ITGAD: variants seen among roughly 807,000 people sequenced by gnomAD.
ITGAD encodes the protein integrin subunit alpha D.
A neutral mutation model predicts 139.0 loss-of-function variants in ITGAD; 105 were observed. That is an observed-to-expected ratio of 0.76 (90% CI 0.65 to 0.89). ITGAD has a LOEUF of 0.89. Ranked by LOEUF, ITGAD falls within the 40% of genes least tolerant of loss-of-function variation. ITGAD has a pLI of 0.00. For synonymous variants in ITGAD, 569 were observed against 598.3 expected (o/e 0.95, Z 0.71); for missense variants, 1,384 against 1,487.3 (o/e 0.93, Z 1.14).
intron 2 of ITGAD, among the ~76,000 whole-genome samples, chr16:31,396,129 C>G (rs1411050533): frequency 6.6e-6 from 1 of 152,074 alleles, no homozygotes. Context: ...CCCAGAGAAC[C>G]CCTGGTCAGA....
chr16:31,418,588 T>C lies in ITGAD; in HGVS notation c.2780+24T>C, dbSNP rs60016537. 133 of 1,582,790 alleles carry C rather than the reference T, an allele frequency of 8.4e-5. No individual in the cohort carries two copies. In the African/African-American group the frequency reaches 1.7e-3, roughly 20 times the overall value. ...AGGTGCCCAGTCCCTGGCCTTCCCC[T>C]TGGACCTCTGGCCTTCCTCTATGCC... is the stretch of plus-strand genomic sequence containing the variant. On this transcript the variant is annotated intron_variant, in intron 23 of 29. Transcript: ENST00000389202.
At chr16:31,418,224 C>G in intron 21 of ITGAD, 33 bp downstream of exon 21, 1 of 1,603,582 alleles carries the variant, frequency 6.2e-7, no homozygotes, top group East Asian at 2.2e-5. Context: ...CCATCACTGT[C>G]CTCCCTTGTC....
In ITGAD at chr16:31,418,424, C is replaced by G. The variant is rs374107305; in HGVS notation, c.2696+44C>G. The stretch of plus-strand genomic sequence containing the variant: ...ATCCCCCACCCTCCATCGCATGCCC[C>G]GGCTAGAGACCCCTCTCCTGGATTC... On this transcript the variant is annotated intron_variant, in intron 22 of 29. Transcript: ENST00000389202. 169 of 1,606,242 alleles carry G rather than the reference C, an allele frequency of 1.1e-4. 2 individuals carry two copies. In the South Asian group the frequency reaches 1.8e-3, roughly 17 times the overall value.
chr16:31,408,374 C>T (rs751562154), intron 9 of ITGAD, 51 bp from the exon 10 acceptor site: 1 of 1,487,650 alleles, frequency 6.7e-7, no homozygotes, highest in Non-Finnish European at 9.4e-7. Flanking sequence ...TGTTCTGAGT[C>T]CTCATGGGTC....
intron 23 of ITGAD, among the ~76,000 whole-genome samples, chr16:31,419,406 T>C (rs1401493155): frequency 6.6e-6 from 1 of 152,212 alleles, no homozygotes; most frequent in Non-Finnish European, 1.5e-5. Context: ...AGTAACACGC[T>C]GCATGGGTTT....
chr16:31,399,893 T>C (rs916516625), intron 5 of ITGAD, among the ~76,000 whole-genome samples: 1 of 152,090 alleles, frequency 6.6e-6, no homozygotes, highest in Non-Finnish European at 1.5e-5. Context: ...TTTACAGATA[T>C]GAAAACCAAG....
intron 3 of ITGAD, 27 bp from the exon 4 acceptor site, chr16:31,397,569 T>C (rs763816898): frequency 5.5e-5 from 89 of 1,605,430 alleles, no homozygotes; most frequent in Non-Finnish European, 6.9e-5. Context: ...GTGCTGTGAG[T>C]GAGACCCCGC....
At chr16:31,397,081 T>G (rs1374964446) in intron 2 of ITGAD, among the ~76,000 whole-genome samples, 1 of 119,990 alleles carries the variant, frequency 8.3e-6, no homozygotes, top group Non-Finnish European at 2.0e-5. Flanking sequence ...TTTTTTTTTT[T>G]TTTTTTTTTT....
rs574753120 is a variant in ITGAD, at chr16:31,416,204, T to G, written c.2284-9T>G. 1 of 1,597,008 alleles carries G rather than the reference T, an allele frequency of 6.3e-7. No individual in the cohort carries two copies. Among genetic ancestry groups the G allele is most frequent in the Non-Finnish European group, 8.6e-7 (1 of 1,169,118 alleles). ...TCAGATGGGAACAGAATATACTATT[T>G]TGCTGCAGCTCCCCTTCGAGAAGAA... On this transcript the variant is annotated splice_polypyrimidine_tract_variant and intron_variant, in intron 18 of 29. Transcript: ENST00000389202.
In ITGAD at chr16:31,418,373, G is replaced by C; in HGVS notation, c.2689G>C (p.Ala897Pro). 6.2e-7 allele frequency: 1 copy of C among 1,614,056 alleles called. No homozygotes were observed. Among genetic ancestry groups the C allele is most frequent in the South Asian group, 1.1e-5 (1 of 91,084 alleles). Residue 897 changes from alanine (A) to proline (P), a missense_variant, in exon 22 of 30, where the codon GCA (alanine) becomes CCA (proline). By Grantham distance (27) the Ala-to-Pro change is conservative (BLOSUM62 -1). Transcript: ENST00000389202. ...AGACAGGATGCTTATGAGGGCCAGT[G>C]CAAGCAGGTGGGTCCAGGCCAGGGT... Reference protein sequence around the residue: ...LGDRMLMRASASSENNKASSS... With the variant: ...LGDRMLMRASPSSENNKASSS...
chr16:31,398,629 A>G (rs1032454720), intron 5 of ITGAD, among the ~76,000 whole-genome samples: 2 of 152,022 alleles, frequency 1.3e-5, no homozygotes, highest in Non-Finnish European at 2.9e-5. Context: ...CTGCAGGTAC[A>G]TGCATCACAC....
chr16:31,415,680 T>G (rs1266750525), intron 18 of ITGAD, among the ~76,000 whole-genome samples: 2 of 152,186 alleles, frequency 1.3e-5, no homozygotes, highest in Non-Finnish European at 2.9e-5. Flanking sequence ...CAGTGCCTTC[T>G]GCCTTCTCTC....
At chr16:31,401,991 C>A in intron 5 of ITGAD, 124 bp from the exon 6 acceptor site, 1 of 1,172,574 alleles carries the variant, frequency 8.5e-7, no homozygotes, top group Non-Finnish European at 1.2e-6. Flanking sequence ...GGGGCCTCCT[C>A]CAAGGAGGGG....
chr16:31,420,884 G>C (rs1479601628), intron 23 of ITGAD, among the ~76,000 whole-genome samples: 1 of 151,984 alleles, frequency 6.6e-6, no homozygotes, highest in African/African-American at 2.4e-5. Flanking sequence ...GTCCACTGTT[G>C]CTTCTGATGT....
In ITGAD at chr16:31,403,416, AG is replaced by A; in HGVS notation, c.559-83del. 6.5e-7 allele frequency: 1 copy of A among 1,529,140 alleles called. No individual in the cohort carries two copies. 94.7% of individuals were successfully genotyped at this position (1,529,140 alleles called of 1,614,324 possible). A position where few individuals can be genotyped will look rare whatever the true frequency, so the allele number is the denominator to read the frequency against. On this transcript the variant is annotated intron_variant, in intron 6 of 29. Transcript: ENST00000389202. The surrounding 1 kb of genome is among the most constrained non-coding windows in gnomAD (Gnocchi z 4.4). ...AGGATCACTTGAGGCCAGGAGTTTG[AG>A]AGACCCTGTCTCTACAAAAAATTAA...
intron 3 of ITGAD, 52 bp downstream of exon 3, chr16:31,397,514 G>GC: frequency 1.3e-6 from 2 of 1,581,630 alleles, no homozygotes; most frequent in Non-Finnish European, 1.7e-6. Context: ...ACCCAACTGT[G>GC]CCCCCGCTTA....
In ITGAD at chr16:31,416,525, G is replaced by A; in HGVS notation, c.2378G>A (p.Gly793Glu). 6.2e-7 allele frequency: 1 copy of A among 1,612,344 alleles called. No individual in the cohort carries two copies. Among genetic ancestry groups the A allele is most frequent in the Non-Finnish European group, 8.5e-7 (1 of 1,178,518 alleles). Residue 793 changes from glycine (G) to glutamate (E), a missense_variant, in exon 20 of 30, where the codon GGG becomes GAG. Coordinates refer to ENST00000389202, the MANE Select transcript of ITGAD (RefSeq NM_005353.3). ...SFSGLQTLTVGSSLELNVIVT... is the reference protein window; with the variant it reads ...SFSGLQTLTVESSLELNVIVT... Reference sequence around the variant, plus strand: ...TTCAGCCTGCAGACCCTGACCGTGGGGAGCTCCCTGGAGCTCAACGTGATT... The same window carrying A: ...TTCAGCCTGCAGACCCTGACCGTGGAGAGCTCCCTGGAGCTCAACGTGATT...
chr16:31,424,229 C>T, intron 28 of ITGAD, 26 bp downstream of exon 28: 2 of 1,613,428 alleles, frequency 1.2e-6, no homozygotes, highest in African/African-American at 1.3e-5. Flanking sequence ...AGGGCAGCGA[C>T]CAGCTGGAAA....
At chr16:31,399,255 A>T (rs1025752822) in intron 5 of ITGAD, among the ~76,000 whole-genome samples, 2 of 152,204 alleles carry the variant, frequency 1.3e-5, no homozygotes, top group African/African-American at 4.8e-5. Context: ...GGGGGTTATG[A>T]AGGTGAAAGG....
Sources: gnomAD v4.1 joint callset for allele counts (sites outside exome capture counted in the v4.1 genomes callset) on GRCh38, gnomAD v4.1.1 for gene constraint, Gnocchi (gnomAD v3.1) non-coding constraint, MANE v1.5 for transcripts, NCBI Gene and HGNC (gene_info 2026-07-23, HGNC 2026-07-21) for gene names.